Variants in PTPRN2 observed in about 807,000 individuals in gnomAD.
PTPRN2 encodes protein tyrosine phosphatase receptor type N2, also known as receptor-type tyrosine-protein phosphatase N2.
PTPRN2 carries 74 observed loss-of-function variants against 118.8 expected under a neutral mutation model. The observed-to-expected ratio is 0.62, with a 90% confidence interval of 0.52 to 0.76. The LOEUF is 0.76. PTPRN2 is among the 30% of genes least tolerant of loss of function. The pLI is 0.00. For synonymous variants in PTPRN2, 641 were observed against 608.0 expected, an observed-to-expected ratio of 1.05 and a Z score of -0.80; for missense variants, 1,481 against 1,394.4, an observed-to-expected ratio of 1.06 and a Z score of -0.99.
chr7:157,871,477 T>C (rs1811043592), intron 12 of PTPRN2, among the ~76,000 whole-genome samples: 1 of 152,042 alleles, frequency 6.6e-6, no homozygotes, highest in Admixed American at 6.6e-5. Flanking sequence ...GGACTCAAGG[T>C]CGCGTTCATC....
chr7:157,547,449 G>A (rs1256650588), intron 22 of PTPRN2, among the ~76,000 whole-genome samples: 1 of 152,160 alleles, frequency 6.6e-6, no homozygotes, highest in Non-Finnish European at 1.5e-5. Context: ...TTGGTACAGA[G>A]AGGCCAGACA....
chr7:158,304,079 T>C (rs953113499), intron 3 of PTPRN2, among the ~76,000 whole-genome samples: 2 of 150,162 alleles, frequency 1.3e-5, no homozygotes, highest in East Asian at 1.9e-4. Flanking sequence ...AAGACACCCA[T>C]CAATACACAT....
chr7:157,887,509 A>G (rs558096428), intron 12 of PTPRN2, among the ~76,000 whole-genome samples: 380 of 6,978 alleles, frequency 0.054, 25 homozygotes, highest in African/African-American at 0.19. Context: ...GTCAGTACCC[A>G]CTCCCCCCAG....
chr7:158,137,575 A>C (rs1818940906), intron 7 of PTPRN2, among the ~76,000 whole-genome samples: 1 of 151,974 alleles, frequency 6.6e-6, no homozygotes, highest in African/African-American at 2.4e-5. Flanking sequence ...GATTCCTTCA[A>C]CCACTGGGCG....
chr7:157,932,419 T>C (rs1451388904), intron 11 of PTPRN2, among the ~76,000 whole-genome samples: 1 of 152,242 alleles, frequency 6.6e-6, no homozygotes, highest in Non-Finnish European at 1.5e-5. Context: ...TTTGTGATAG[T>C]GACAACTTTA....
chr7:158,294,708 G>A (rs1409398218), intron 3 of PTPRN2, among the ~76,000 whole-genome samples: 1 of 152,208 alleles, frequency 6.6e-6, no homozygotes, highest in East Asian at 1.9e-4. Context: ...CCAGCCACAA[G>A]GAGACCTGGG....
At chr7:158,263,297 C>T (rs1326672555) in intron 3 of PTPRN2, among the ~76,000 whole-genome samples, 1 of 152,216 alleles carries the variant, frequency 6.6e-6, no homozygotes, top group African/African-American at 2.4e-5. Context: ...GTCACATGTG[C>T]ACACCGTGTG....
chr7:157,863,451 C>A (rs139993130), intron 12 of PTPRN2: 5 of 152,324 alleles, frequency 3.3e-5, no homozygotes, highest in Admixed American at 2.6e-4. Flanking sequence ...GCTACTAGCT[C>A]GGGGTGTGAA....
intron 9 of PTPRN2, among the ~76,000 whole-genome samples, chr7:158,129,751 C>T (rs1818020808): frequency 6.6e-6 from 1 of 152,234 alleles, no homozygotes; most frequent in Admixed American, 6.5e-5. Flanking sequence ...CCCCTTGGCT[C>T]TGCTGGTGCA....
At chr7:158,275,835 C>T (rs1049112866) in intron 3 of PTPRN2, among the ~76,000 whole-genome samples, 3 of 152,140 alleles carry the variant, frequency 2.0e-5, no homozygotes, top group African/African-American at 4.8e-5. Context: ...CATAAGGTGG[C>T]CTCCTCCCTC....
At chr7:157,886,865 C>T (rs1291714735) in intron 12 of PTPRN2, among the ~76,000 whole-genome samples, 1 of 149,064 alleles carries the variant, frequency 6.7e-6, no homozygotes, top group African/African-American at 2.5e-5. Flanking sequence ...GAGCCAAGCC[C>T]ACCACGGTGG....
At chr7:157,885,494 G>A (rs186738775) in intron 12 of PTPRN2, among the ~76,000 whole-genome samples, 68 of 152,306 alleles carry the variant, frequency 4.5e-4, no homozygotes, top group African/African-American at 1.5e-3. Flanking sequence ...AGATGCACCC[G>A]CCTGACGCTG....
At chr7:157,915,150 A>C (rs1413895505) in intron 11 of PTPRN2, among the ~76,000 whole-genome samples, 2 of 152,014 alleles carry the variant, frequency 1.3e-5, no homozygotes, top group Admixed American at 6.5e-5. Flanking sequence ...CCATTCTTTC[A>C]ATTAACTTTT....
chr7:157,944,998 G>A lies in PTPRN2; in HGVS notation c.1724-46261C>T, dbSNP rs150352027. Reference sequence around the variant, plus strand: ...CCAGTGCTGTGACCCCACCATGATCGCTCATCTGCTCCAGCTGGAGCACTC... The same window carrying A: ...CCAGTGCTGTGACCCCACCATGATCACTCATCTGCTCCAGCTGGAGCACTC... On this transcript the variant is annotated intron_variant, in intron 11 of 22. Transcript: ENST00000389418. The surrounding 1 kb of genome is among the most constrained non-coding windows in gnomAD (Gnocchi z 4.3). 5.3e-5 allele frequency among the ~76,000 whole-genome samples: 8 copies of A among 152,270 alleles called. No homozygotes were observed. The highest frequency in any genetic ancestry group is 3.4e-3 in the Middle Eastern group (1 of 294).
chr7:158,047,600 C>T (rs748949918), intron 11 of PTPRN2, among the ~76,000 whole-genome samples: 6 of 152,122 alleles, frequency 3.9e-5, no homozygotes, highest in Non-Finnish European at 7.4e-5. Context: ...AGTGCAAGGG[C>T]TACCTGCAGT....
chr7:157,930,422 T>G (rs1168943270), intron 11 of PTPRN2, among the ~76,000 whole-genome samples: 1 of 152,204 alleles, frequency 6.6e-6, no homozygotes, highest in Non-Finnish European at 1.5e-5. Flanking sequence ...TTTTAGCTCC[T>G]TTGTGGGGTG....
chr7:158,497,188 C>G (rs1204892459), intron 1 of PTPRN2, among the ~76,000 whole-genome samples: 1 of 69,276 alleles, frequency 1.4e-5, no homozygotes, highest in Non-Finnish European at 3.0e-5. Context: ...CCCTGTACCC[C>G]TTCCCCCTTC....
At chr7:157,912,129 T>C (rs1224768738) in intron 11 of PTPRN2, among the ~76,000 whole-genome samples, 1 of 152,212 alleles carries the variant, frequency 6.6e-6, no homozygotes, top group East Asian at 1.9e-4. Context: ...CCCAAAGGGA[T>C]TCTATCAATT....
intron 1 of PTPRN2, among the ~76,000 whole-genome samples, chr7:158,562,602 A>T (rs188595464): frequency 6.6e-6 from 1 of 152,296 alleles, no homozygotes; most frequent in African/African-American, 2.4e-5. Context: ...AAACAAACCC[A>T]GTGTTATGTT....
Sources: allele counts gnomAD v4.1 joint callset (sites outside exome capture counted in the v4.1 genomes callset), GRCh38; gene constraint gnomAD v4.1.1; non-coding constraint Gnocchi (gnomAD v3.1); transcripts MANE v1.5; gene names NCBI Gene and HGNC (gene_info 2026-07-23, HGNC 2026-07-21).